The following MYPN variants were observed in gnomAD, a reference collection of about 807,000 sequenced individuals.
MYPN encodes the protein sarcomeric protein myopalladin, 145 kDa (MYOP).
Under a neutral mutation model 129.4 loss-of-function variants are expected in MYPN, and 63 were observed. The observed-to-expected ratio is 0.49, with a 90% confidence interval of 0.40 to 0.60. MYPN has a LOEUF of 0.60. Among genes scored for constraint, MYPN ranks in the 20% least tolerant of loss-of-function variants. The pLI, the probability that MYPN is intolerant of heterozygous loss-of-function variation, is 0.00. For missense variants in MYPN, 1,596 were observed against 1,635.4 expected (o/e 0.98, Z 0.42); for synonymous variants, 629 against 600.9 (o/e 1.05, Z -0.68).
At chr10:68,116,724 G>A (rs569620978) in intron 1 of MYPN, among the ~76,000 whole-genome samples, 135 of 151,802 alleles carry the variant, frequency 8.9e-4, no homozygotes, top group African/African-American at 3.0e-3. Context: ...CTATAAGAGC[G>A]AGAGTCTATC....
chr10:68,197,759 CA>C (rs1454661147), intron 16 of MYPN, among the ~76,000 whole-genome samples: 2 of 152,034 alleles, frequency 1.3e-5, no homozygotes, highest in Non-Finnish European at 2.9e-5. Context: ...AGGTGATACA[CA>C]GTAGTTCCCC....
At chr10:68,117,765 A>C (rs943576960) in intron 1 of MYPN, among the ~76,000 whole-genome samples, 8 of 151,716 alleles carry the variant, frequency 5.3e-5, no homozygotes, top group African/African-American at 1.9e-4. Context: ...GCCATGATAC[A>C]TGGCCATAGC....
chr10:68,108,236 C>CT (rs2042035953), upstream of MYPN, among the ~76,000 whole-genome samples: 3 of 152,124 alleles, frequency 2.0e-5, no homozygotes, highest in Admixed American at 6.5e-5. Flanking sequence ...TGTTCTTCAT[C>CT]TTTTTTTGCC....
At chr10:68,129,514 T>C (rs919022127) in intron 2 of MYPN, among the ~76,000 whole-genome samples, 1 of 152,150 alleles carries the variant, frequency 6.6e-6, no homozygotes, top group Non-Finnish European at 1.5e-5. Context: ...TGTTTACAGG[T>C]TTTTTCCTAA....
chr10:68,112,102 G>T (rs1019760065), intron 1 of MYPN, among the ~76,000 whole-genome samples: 11 of 152,162 alleles, frequency 7.2e-5, no homozygotes, highest in Middle Eastern at 3.2e-3. Flanking sequence ...GGTTCATTAT[G>T]AATGGTGAGA....
chr10:68,154,978 G>A (rs1293354077), intron 6 of MYPN, among the ~76,000 whole-genome samples: 3 of 151,966 alleles, frequency 2.0e-5, no homozygotes, highest in Non-Finnish European at 4.4e-5. Flanking sequence ...CCAAGAGTTC[G>A]AGACCAGCCT....
At chr10:68,125,030 C>A (rs1400544246) in intron 2 of MYPN, among the ~76,000 whole-genome samples, 1 of 152,092 alleles carries the variant, frequency 6.6e-6, no homozygotes, top group Non-Finnish European at 1.5e-5. Flanking sequence ...AGTTTCTGGA[C>A]ATAGATTGAT....
intron 10 of MYPN, 68 bp from the exon 11 acceptor site, chr10:68,173,998 A>G (rs2043184400): frequency 1.6e-6 from 2 of 1,267,042 alleles, no homozygotes; most frequent in South Asian, 2.4e-5. Flanking sequence ...CTGTCTGAAC[A>G]TTGTTTGAAA....
At chr10:68,095,373 G>A (rs2041951667) in intron 1 of MYPN, among the ~76,000 whole-genome samples, 4 of 151,190 alleles carry the variant, frequency 2.6e-5, no homozygotes, top group Admixed American at 2.6e-4. Flanking sequence ...AAAATTATAA[G>A]GCATGAAAGG....
At chr10:68,164,111 T>C (rs560546881) in intron 8 of MYPN, among the ~76,000 whole-genome samples, 1 of 152,314 alleles carries the variant, frequency 6.6e-6, no homozygotes, top group Admixed American at 6.5e-5. Context: ...CTTGGTCCAC[T>C]GTGTGCTGCT....
At position 68,135,525 on chromosome 10, in the gene MYPN, A is replaced by T. The variant is rs908842981; in HGVS notation, c.903-7415A>T. On this transcript the variant is annotated intron_variant, in intron 2 of 19. Coordinates refer to ENST00000358913, the MANE Select transcript of MYPN (RefSeq NM_032578.4). ...GAGAGCTGGAAATGTGAGTAAGCAA[A>T]TGTACTACTTTTTGGCTGTGTTTTA... 3 of 982,922 alleles carry T rather than the reference A, an allele frequency of 3.1e-6. No homozygotes were observed. In the African/African-American group the frequency reaches 5.2e-5, roughly 17 times the overall value. 60.9% of individuals were successfully genotyped at this position (982,922 alleles called of 1,614,324 possible).
intron 3 of MYPN, among the ~76,000 whole-genome samples, chr10:68,144,066 A>G (rs1271273389): frequency 1.3e-5 from 2 of 152,110 alleles, no homozygotes; most frequent in Admixed American, 1.3e-4. Flanking sequence ...ATCTGACTTA[A>G]TAGTCACTAT....
At position 68,121,550 on chromosome 10, in the gene MYPN, T is replaced by A. The variant is rs761950155; in HGVS notation, c.112T>A (p.Ser38Thr). ...GNNERSRAEP[S>T]SNPCHFGSPS... ...CAATGAGAGGAGTCGAGCGGAGCCC[T>A]CCTCCAACCCTTGCCATTTCGGCAG... The change falls in exon 2 of 20, where the codon TCC becomes ACC. Residue 38 changes from serine to threonine, a missense_variant. Physicochemically the swap from Ser to Thr is moderately conservative, Grantham distance 58. Coordinates refer to ENST00000358913, the MANE Select transcript of MYPN (RefSeq NM_032578.4). 1.7e-5 allele frequency: 28 copies of A among 1,614,034 alleles called. No individual in the cohort carries two copies. Among genetic ancestry groups the A allele is most frequent in the African/African-American group, 2.7e-5 (2 of 74,912 alleles).
intron 1 of MYPN, 118 bp from the exon 2 acceptor site, chr10:68,121,320 T>G (rs1276014103): frequency 4.6e-6 from 4 of 860,358 alleles, no homozygotes; most frequent in African/African-American, 1.7e-5. Flanking sequence ...AGTATTAAAA[T>G]TAGGCAATTC....
chr10:68,133,470 C>A (rs1326565382), intron 2 of MYPN, among the ~76,000 whole-genome samples: 2 of 152,028 alleles, frequency 1.3e-5, no homozygotes, highest in East Asian at 3.9e-4. Context: ...CAATTGGGTA[C>A]AGGGCTTTGG....
chr10:68,137,348 C>T lies in MYPN; in HGVS notation c.903-5592C>T, dbSNP rs114412792. ...CCTTACACAGTTATGTAGTCAGAAA[C>T]AGGAGGAGTATTTTAATAGTCTTTT... On this transcript the variant is annotated intron_variant, in intron 2 of 19. Coordinates refer to ENST00000358913, the MANE Select transcript of MYPN (RefSeq NM_032578.4). Among the ~76,000 whole-genome samples the T allele has an allele frequency of 3.6e-3, 545 of 152,220 alleles. 9 individuals carry two copies. The highest frequency in any genetic ancestry group is 0.012 in the African/African-American group (518 of 41,534).
intron 18 of MYPN, 94 bp downstream of exon 18, chr10:68,202,088 T>A: frequency 7.0e-7 from 1 of 1,428,988 alleles, no homozygotes; most frequent in Non-Finnish European, 9.8e-7. Flanking sequence ...TCTGGCTTAC[T>A]TCATTTAGAA....
upstream of MYPN, among the ~76,000 whole-genome samples, chr10:68,101,262 A>G (rs1414601394): frequency 6.6e-6 from 1 of 152,242 alleles, no homozygotes; most frequent in Non-Finnish European, 1.5e-5. Context: ...TAATTACATA[A>G]GTGGAAGTGA....
intron 19 of MYPN, among the ~76,000 whole-genome samples, chr10:68,208,338 G>C (rs2043850961): frequency 6.6e-6 from 1 of 152,126 alleles, no homozygotes; most frequent in Non-Finnish European, 1.5e-5. Context: ...AGGGGCTTCA[G>C]CCTGCCATTT....
Sources: allele counts gnomAD v4.1 joint callset (sites outside exome capture counted in the v4.1 genomes callset), GRCh38; gene constraint gnomAD v4.1.1; transcripts MANE v1.5; gene names NCBI Gene and HGNC (gene_info 2026-07-23, HGNC 2026-07-21).